The following DLGAP2 variants were observed in gnomAD, a reference collection of about 807,000 sequenced individuals.
The protein encoded by DLGAP2 is DLG associated protein 2.
Under a neutral mutation model 100.3 loss-of-function variants are expected in DLGAP2, and 26 were observed. The observed-to-expected ratio is 0.26, with a 90% CI of 0.19 to 0.36. The LOEUF (loss-of-function observed/expected upper bound fraction) is 0.36, where lower values mean the gene tolerates loss of function less well. Ranked by LOEUF, DLGAP2 falls within the 10% of genes least tolerant of loss-of-function variation. The probability of loss-of-function intolerance (pLI) is 1.00; values close to 1 mark genes in which losing one functional copy is unlikely to be tolerated. For missense variants in DLGAP2, 1,858 were observed against 1,453.2 expected (o/e 1.28, Z -4.53); for synonymous variants, 886 against 630.1 (o/e 1.41, Z -6.08).
intron 3 of DLGAP2, among the ~76,000 whole-genome samples, chr8:1,490,770 G>A (rs995939250): frequency 6.6e-6 from 1 of 152,044 alleles, no homozygotes; most frequent in African/African-American, 2.4e-5. Context: ...CATGAGGCCT[G>A]TGTCCTCCTA....
At chr8:1,134,392 C>G (rs1293552019) in intron 2 of DLGAP2, among the ~76,000 whole-genome samples, 1 of 152,104 alleles carries the variant, frequency 6.6e-6, no homozygotes, top group African/African-American at 2.4e-5. Flanking sequence ...GTTTTTAGGT[C>G]TTTGAGGCAT....
At chr8:1,235,388 G>A (rs555053579) in intron 2 of DLGAP2, among the ~76,000 whole-genome samples, 18 of 150,100 alleles carry the variant, frequency 1.2e-4, no homozygotes, top group Admixed American at 7.3e-4. Flanking sequence ...CACACATGGC[G>A]TTGTGTCTCG....
At chr8:1,497,411 G>A (rs985492224) in intron 3 of DLGAP2, among the ~76,000 whole-genome samples, 1 of 152,206 alleles carries the variant, frequency 6.6e-6, no homozygotes, top group African/African-American at 2.4e-5. Context: ...ACGTCTCAGA[G>A]CGCAGAGAGA....
intron 3 of DLGAP2, among the ~76,000 whole-genome samples, chr8:1,310,917 A>G (rs1460114186): frequency 1.3e-5 from 2 of 152,212 alleles, no homozygotes; most frequent in Non-Finnish European, 2.9e-5. Flanking sequence ...GAAGAAAGCT[A>G]TCAGACAGAA....
intron 2 of DLGAP2, among the ~76,000 whole-genome samples, chr8:914,802 C>T (rs1239081652): frequency 6.6e-6 from 1 of 152,202 alleles, no homozygotes; most frequent in Non-Finnish European, 1.5e-5. Context: ...ATGACTAAAC[C>T]TGGTGTGTGA....
intron 2 of DLGAP2, among the ~76,000 whole-genome samples, chr8:1,074,587 A>T (rs1278850404): frequency 6.6e-6 from 1 of 152,120 alleles, no homozygotes; most frequent in Admixed American, 6.5e-5. Flanking sequence ...TTTGCTTCTT[A>T]CCAAGAGCAA....
chr8:1,240,008 G>C (rs1251667389), intron 2 of DLGAP2, among the ~76,000 whole-genome samples: 4 of 144,686 alleles, frequency 2.8e-5, no homozygotes, highest in African/African-American at 1.0e-4. Flanking sequence ...ACAGAGCATC[G>C]TGTCTAGTTC....
chr8:1,422,236 G>C (rs1437096965), intron 3 of DLGAP2, among the ~76,000 whole-genome samples: 1 of 152,098 alleles, frequency 6.6e-6, no homozygotes, highest in South Asian at 2.1e-4. Flanking sequence ...ATTTTTTTAG[G>C]AGTTATGGAA....
intron 2 of DLGAP2, among the ~76,000 whole-genome samples, chr8:1,081,636 C>T (rs1199961001): frequency 6.6e-6 from 1 of 152,192 alleles, no homozygotes; most frequent in Non-Finnish European, 1.5e-5. Context: ...CAGGCGTGAC[C>T]CCCACGCCTG....
chr8:1,007,969 A>C (rs12674921), intron 2 of DLGAP2, among the ~76,000 whole-genome samples: 59,217 of 151,662 alleles, frequency 0.39, 11,800 homozygotes, highest in African/African-American at 0.46. Context: ...GCCCTCCATA[A>C]AGAAGGGGAT....
chr8:1,256,893 G>A (rs1302871505), intron 2 of DLGAP2, among the ~76,000 whole-genome samples: 1 of 152,116 alleles, frequency 6.6e-6, no homozygotes, highest in African/African-American at 2.4e-5. Flanking sequence ...CACAGGCCTT[G>A]TGAATGGTGG....
chr8:883,972 T>C (rs1046669808), intron 1 of DLGAP2, among the ~76,000 whole-genome samples: 2 of 152,228 alleles, frequency 1.3e-5, no homozygotes, highest in Non-Finnish European at 2.9e-5. Context: ...ACATGATCTC[T>C]TTGCTTTTTA....
rs540245124 is a variant in DLGAP2 at position 1,392,690 on chromosome 8, C to A, written c.107-108676C>A. Among the ~76,000 whole-genome samples the A allele has an allele frequency of 2.0e-5, 3 of 152,332 alleles. No homozygotes were observed. The South Asian group carries it at 6.2e-4, about 32-fold the overall frequency. ...ATGCATCTCTGGGGACTGGGCCAGGCCTGGGTCAGCACATCTGCGTTTCAG... is the reference window on the plus strand; with the variant it reads ...ATGCATCTCTGGGGACTGGGCCAGGACTGGGTCAGCACATCTGCGTTTCAG... On this transcript the variant is annotated intron_variant, in intron 3 of 14. Coordinates refer to ENST00000637795, the MANE Select transcript of DLGAP2 (RefSeq NM_001346810.2).
chr8:1,550,464 A>G (rs1283356230), intron 5 of DLGAP2, among the ~76,000 whole-genome samples: 1 of 151,992 alleles, frequency 6.6e-6, no homozygotes, highest in East Asian at 1.9e-4. Context: ...GGGTTTAACA[A>G]CCACAGCAAA....
chr8:1,430,240 T>C (rs2129982689), intron 3 of DLGAP2, among the ~76,000 whole-genome samples: 1 of 151,688 alleles, frequency 6.6e-6, no homozygotes, highest in Non-Finnish European at 1.5e-5. Context: ...TTGGTTAGAT[T>C]TTAATTTAGA....
At chr8:1,429,071 G>T (rs981782369) in intron 3 of DLGAP2, among the ~76,000 whole-genome samples, 2 of 152,188 alleles carry the variant, frequency 1.3e-5, no homozygotes, top group Admixed American at 6.5e-5. Context: ...CTTCTCTAGG[G>T]CTTCAGAGGT....
intron 3 of DLGAP2, among the ~76,000 whole-genome samples, chr8:1,324,599 C>A (rs554986701): frequency 6.6e-6 from 1 of 152,138 alleles, no homozygotes; most frequent in Non-Finnish European, 1.5e-5. Flanking sequence ...TCTTAAGCTG[C>A]GTGGTTTGCA....
At chr8:877,263 G>T (rs1007133840) in intron 1 of DLGAP2, among the ~76,000 whole-genome samples, 1 of 152,128 alleles carries the variant, frequency 6.6e-6, no homozygotes, top group African/African-American at 2.4e-5. Context: ...CACAGTTCTT[G>T]CCAGTGATAG....
At chr8:782,235 A>T (rs1821710327) in intron 1 of DLGAP2, among the ~76,000 whole-genome samples, 1 of 141,750 alleles carries the variant, frequency 7.1e-6, no homozygotes, top group Admixed American at 6.9e-5. Context: ...TTTAAAAAAA[A>T]TTAAAAAAAA....
Sources: allele counts gnomAD v4.1 joint callset (sites outside exome capture counted in the v4.1 genomes callset), GRCh38; gene constraint gnomAD v4.1.1; transcripts MANE v1.5; gene names NCBI Gene and HGNC (gene_info 2026-07-23, HGNC 2026-07-21).